The following ESCO1 variants were observed in gnomAD, a reference collection of about 807,000 sequenced individuals.
ESCO1 encodes N-acetyltransferase ESCO1.
ESCO1 carries 33 observed loss-of-function variants against 83.5 expected under a neutral mutation model. The observed-to-expected ratio is 0.40, with a 90% CI of 0.30 to 0.53. The LOEUF (loss-of-function observed/expected upper bound fraction) is 0.53. Ranked by LOEUF, ESCO1 falls within the 20% of genes least tolerant of loss-of-function variation. ESCO1 has a pLI of 0.63. For missense variants in ESCO1, 855 were observed against 968.0 expected (o/e 0.88, Z 1.55); for synonymous variants, 332 against 324.3 (o/e 1.02, Z -0.25).
intron 2 of ESCO1, among the ~76,000 whole-genome samples, chr18:21,583,703 CA>C (rs1008583133): frequency 1.3e-4 from 19 of 151,628 alleles, no homozygotes; most frequent in African/African-American, 1.7e-4. Flanking sequence ...TGACAAAAAG[CA>C]GCTCAGTCAT....
intron 1 of ESCO1, among the ~76,000 whole-genome samples, chr18:21,587,205 T>C (rs925487279): frequency 6.6e-6 from 1 of 152,234 alleles, no homozygotes; most frequent in African/African-American, 2.4e-5. Context: ...TTTCTTGTGA[T>C]GTCTTTGCCT....
intron 2 of ESCO1, among the ~76,000 whole-genome samples, chr18:21,579,682 G>A (rs559886219): frequency 6.6e-6 from 1 of 150,548 alleles, no homozygotes; most frequent in Non-Finnish European, 1.5e-5. Context: ...TGAGGCAGGA[G>A]AATTGCTTGA....
At chr18:21,568,808 C>T (rs1436543138) in intron 4 of ESCO1, among the ~76,000 whole-genome samples, 1 of 150,884 alleles carries the variant, frequency 6.6e-6, no homozygotes, top group Non-Finnish European at 1.5e-5. Context: ...GAGGCTGAGG[C>T]AGGAGAATCA....
At chr18:21,599,198 A>G (rs1394498316) in intron 1 of ESCO1, among the ~76,000 whole-genome samples, 1 of 152,068 alleles carries the variant, frequency 6.6e-6, no homozygotes, top group Non-Finnish European at 1.5e-5. Flanking sequence ...TTAGCCTAAC[A>G]TGGTAGCGGA....
chr18:21,546,400 AAAAAC>A (rs1382182693), intron 8 of ESCO1, among the ~76,000 whole-genome samples: 1 of 108,010 alleles, frequency 9.3e-6, no homozygotes, highest in Non-Finnish European at 2.6e-5. Context: ...AAAAACAAAT[AAAAAC>A]AAAAAAACAA....
intron 8 of ESCO1, chr18:21,540,562 A>T: frequency 1.5e-6 from 2 of 1,307,908 alleles, no homozygotes; most frequent in Non-Finnish European, 2.0e-6. Flanking sequence ...AGGAGACTAT[A>T]AAAAATATAA....
In ESCO1 at chr18:21,577,033, CAA is replaced by C. The variant is rs58379125; in HGVS notation, c.-693-1258_-693-1257del. On this transcript the variant is annotated intron_variant, in intron 2 of 11. Transcript: ENST00000269214. ...AGGCGACAGAGCGAGACTCTTGTCT[CAA>C]AAAAAAAAAAGAAAATGGGACTCAA... is the stretch of plus-strand genomic sequence containing the variant. Among the ~76,000 whole-genome samples the C allele has an allele frequency of 1.1e-3, 139 of 129,080 alleles. 2 individuals carry two copies. The highest frequency in any genetic ancestry group is 2.0e-4 in the Non-Finnish European group (12 of 59,746). 84.7% of individuals were successfully genotyped at this position (129,080 alleles called of 152,430 possible).
At chr18:21,532,122 A>T (rs960858687) in intron 11 of ESCO1, among the ~76,000 whole-genome samples, 1 of 152,192 alleles carries the variant, frequency 6.6e-6, no homozygotes, top group Non-Finnish European at 1.5e-5. Context: ...ATTTCTCTAA[A>T]AGCTGAACTC....
Position 21,531,164 on chromosome 18 carries a change from A to C in ESCO1, c.2376-674T>G, listed in dbSNP as rs79149160. ...CATCAAAAAAAATTAAATACTTGCC[A>C]GGCACAGTGTCTCACACCTGTAATC... On this transcript the variant is annotated intron_variant, in intron 11 of 11. Coordinates refer to ENST00000269214, the MANE Select transcript of ESCO1 (RefSeq NM_052911.3). Among the ~76,000 whole-genome samples, 1,250 of 152,364 alleles carry C rather than the reference A, an allele frequency of 8.2e-3. 20 individuals carry two copies. The highest frequency in any genetic ancestry group is 0.027 in the African/African-American group (1,136 of 41,586).
intron 10 of ESCO1, among the ~76,000 whole-genome samples, chr18:21,535,587 T>C (rs1216326573): frequency 6.6e-6 from 1 of 152,154 alleles, no homozygotes; most frequent in African/African-American, 2.4e-5. Flanking sequence ...TTTCACCGTA[T>C]TAGCCAGGAT....
At position 21,573,405 on chromosome 18, in the gene ESCO1, G is replaced by A; in HGVS notation, c.1439C>T (p.Pro480Leu). The A allele has an allele frequency of 2.5e-6, 4 of 1,611,052 alleles. No homozygotes were observed. Among genetic ancestry groups the A allele is most frequent in the Non-Finnish European group, 3.4e-6 (4 of 1,179,438 alleles). Reference sequence around the variant, plus strand: ...CTCATTGGCCAAATGACAATTTTCAGGAGCCCTTTCTGTGGTTTTATTAAT... The same window carrying A: ...CTCATTGGCCAAATGACAATTTTCAAGAGCCCTTTCTGTGGTTTTATTAAT... ...VEINKTTERA[P>L]ENCHLANEIK... Residue 480 changes from proline to leucine, a missense_variant, in exon 4 of 12, where the codon CCT (proline) becomes CTT (leucine). Physicochemically the swap from Pro to Leu is moderately conservative, Grantham distance 98. This residue lies in a region of ESCO1 where 726 missense variants were observed against 699.5 expected (regional missense o/e 1.04). Transcript: ENST00000269214.
At position 21,542,711 on chromosome 18, in the gene ESCO1, T is replaced by G. The variant is rs113036148; in HGVS notation, c.1954-2702A>C. Among the ~76,000 whole-genome samples the G allele has an allele frequency of 1.6e-4, 24 of 152,206 alleles. 1 individual carries two copies. The highest frequency in any genetic ancestry group is 4.8e-4 in the African/African-American group (20 of 41,542). ...GCAATAAATTCAAATCATAGGCAAA[T>G]AAAAGATGAAAGAAACAAGTTAGCT... On this transcript the variant is annotated intron_variant, in intron 8 of 11. Coordinates refer to ENST00000269214, the MANE Select transcript of ESCO1 (RefSeq NM_052911.3).
At chr18:21,591,408 T>C (rs113014424) in intron 1 of ESCO1, among the ~76,000 whole-genome samples, 62 of 152,322 alleles carry the variant, frequency 4.1e-4, no homozygotes, top group African/African-American at 1.4e-3. Flanking sequence ...AAAGCAGACA[T>C]AGGAAACTGG....
chr18:21,572,792 C>T (rs1466235762), intron 4 of ESCO1, among the ~76,000 whole-genome samples: 1 of 151,884 alleles, frequency 6.6e-6, no homozygotes, highest in Non-Finnish European at 1.5e-5. Context: ...TGGAGAAACC[C>T]CGTCTCTACT....
At chr18:21,578,449 C>T (rs2038449149) in intron 2 of ESCO1, among the ~76,000 whole-genome samples, 1 of 151,996 alleles carries the variant, frequency 6.6e-6, no homozygotes, top group South Asian at 2.1e-4. Context: ...GCCATGAGGT[C>T]CAACTGGCCA....
At chr18:21,578,973 C>T (rs1026205559) in intron 2 of ESCO1, among the ~76,000 whole-genome samples, 1 of 152,028 alleles carries the variant, frequency 6.6e-6, no homozygotes, top group Admixed American at 6.6e-5. Flanking sequence ...TGATTCTCCT[C>T]CCTCAACCTC....
In ESCO1 at chr18:21,573,676, T is replaced by C. The variant is rs1445584038; in HGVS notation, c.1168A>G (p.Asn390Asp). Reference sequence around the variant, plus strand: ...TTTGAGAGTTTAATTTTAGTCCAGTTGGAGTTCTTCTTGGCTGAGCTGTTT... The same window carrying C: ...TTTGAGAGTTTAATTTTAGTCCAGTCGGAGTTCTTCTTGGCTGAGCTGTTT... The part of the protein sequence containing the change: ...GINSSAKKNS[N>D]WTKIKLSKFN... The change falls in exon 4 of 12, where the codon AAC becomes GAC. Residue 390 changes from asparagine to aspartate, a missense_variant. Transcript: ENST00000269214. The C allele has an allele frequency of 4.3e-6, 7 of 1,614,050 alleles. 1 individual carries two copies. The African/African-American group carries it at 9.3e-5, about 22-fold the overall frequency.
At chr18:21,536,831 G>C (rs1399102113) in intron 9 of ESCO1, among the ~76,000 whole-genome samples, 1 of 151,962 alleles carries the variant, frequency 6.6e-6, no homozygotes, top group Non-Finnish European at 1.5e-5. Flanking sequence ...TCTTAGCCAG[G>C]CAAGCCACTC....
intron 7 of ESCO1, among the ~76,000 whole-genome samples, chr18:21,563,822 G>A (rs989320141): frequency 6.6e-6 from 1 of 152,020 alleles, no homozygotes; most frequent in Non-Finnish European, 1.5e-5. Context: ...ACAGTGTTTG[G>A]AGGTGGGGCT....
Sources: gnomAD v4.1 joint callset for allele counts (sites outside exome capture counted in the v4.1 genomes callset) on GRCh38, gnomAD v4.1.1 for gene constraint, gnomAD v4.1.1 regional missense constraint, MANE v1.5 for transcripts, NCBI Gene and HGNC (gene_info 2026-07-23, HGNC 2026-07-21) for gene names.